The following CREB5 variants were observed in gnomAD, a reference collection of about 807,000 sequenced individuals.
CREB5 encodes the protein cyclic AMP-responsive element-binding protein 5.
CREB5 carries 19 observed loss-of-function variants against 57.1 expected under a neutral mutation model. The ratio of observed to expected loss-of-function variants is 0.33; its 90% CI spans 0.23 to 0.49. The LOEUF is 0.49. Ranked by LOEUF, CREB5 falls within the 20% of genes least tolerant of loss-of-function variation. The pLI is 0.99. For missense variants in CREB5, 579 were observed against 671.6 expected (o/e 0.86, Z 1.52); for synonymous variants, 238 against 238.3 (o/e 1.00, Z 0.01).
At chr7:28,586,911 G>T (rs1796325410) in intron 5 of CREB5, among the ~76,000 whole-genome samples, 1 of 152,130 alleles carries the variant, frequency 6.6e-6, no homozygotes, top group African/African-American at 2.4e-5. Context: ...GGCTCAGAAG[G>T]GCTGCGGACC....
intron 1 of CREB5, among the ~76,000 whole-genome samples, chr7:28,322,315 C>G (rs1167228192): frequency 6.6e-6 from 1 of 152,010 alleles, no homozygotes; most frequent in Non-Finnish European, 1.5e-5. Flanking sequence ...TTACTCTTTT[C>G]CAATTAATCA....
chr7:28,456,606 A>G (rs1790103587), intron 1 of CREB5, among the ~76,000 whole-genome samples: 1 of 152,160 alleles, frequency 6.6e-6, no homozygotes, highest in Non-Finnish European at 1.5e-5. Flanking sequence ...TAGTGCAATA[A>G]TTCTCTCCAG....
intron 1 of CREB5, among the ~76,000 whole-genome samples, chr7:28,391,026 T>TAAA (rs1787206046): frequency 1.3e-5 from 2 of 152,338 alleles, no homozygotes; most frequent in South Asian, 4.1e-4. Flanking sequence ...TCTTTGTTGA[T>TAAA]AATTGTGTTT....
Position 28,635,211 on chromosome 7 carries a change from G to C in CREB5, c.464+64674G>C, listed in dbSNP as rs573585475. On this transcript the variant is annotated intron_variant, in intron 5 of 10. Coordinates refer to ENST00000357727, the MANE Select transcript of CREB5 (RefSeq NM_182898.4). ...CTTGGAATGACTGTCGAGTGAGCCT[G>C]CTGAGGGTAACTACCACAGGGCCAC... Among the ~76,000 whole-genome samples, 14 of 152,290 alleles carry C rather than the reference G, an allele frequency of 9.2e-5. 1 individual carries two copies. The South Asian group carries it at 2.9e-3, about 32-fold the overall frequency.
chr7:28,479,166 G>T (rs561215472), intron 1 of CREB5, among the ~76,000 whole-genome samples: 1 of 152,182 alleles, frequency 6.6e-6, no homozygotes, highest in African/African-American at 2.4e-5. Flanking sequence ...CCTAAACTGG[G>T]TGGCATGGGC....
intron 7 of CREB5, among the ~76,000 whole-genome samples, chr7:28,773,001 T>C (rs933761992): frequency 1.3e-5 from 2 of 152,222 alleles, no homozygotes; most frequent in African/African-American, 4.8e-5. Context: ...TGGGTTATTG[T>C]AAGGATTAAA....
intron 7 of CREB5, among the ~76,000 whole-genome samples, chr7:28,783,374 G>A (rs1206836647): frequency 6.6e-6 from 1 of 151,942 alleles, no homozygotes; most frequent in Non-Finnish European, 1.5e-5. Flanking sequence ...TGTCCACAAT[G>A]TCACTTATTC....
intron 4 of CREB5, among the ~76,000 whole-genome samples, chr7:28,543,944 C>T (rs903167878): frequency 2.0e-5 from 3 of 149,286 alleles, no homozygotes; most frequent in African/African-American, 7.4e-5. Context: ...TTAATCATAT[C>T]TATCTCGTAT....
At chr7:28,311,891 G>A (rs556533852) in intron 1 of CREB5, among the ~76,000 whole-genome samples, 1 of 152,092 alleles carries the variant, frequency 6.6e-6, no homozygotes, top group Non-Finnish European at 1.5e-5. Flanking sequence ...CCCCAGTGTC[G>A]GTCTCCCTGC....
At chr7:28,630,799 G>A (rs1302616513) in intron 5 of CREB5, among the ~76,000 whole-genome samples, 1 of 152,156 alleles carries the variant, frequency 6.6e-6, no homozygotes, top group African/African-American at 2.4e-5. Flanking sequence ...TGCTAAGAGA[G>A]TGACTTTTTG....
At chr7:28,580,592 T>A (rs867271269) in intron 5 of CREB5, among the ~76,000 whole-genome samples, 77 of 143,850 alleles carry the variant, frequency 5.4e-4, no homozygotes, top group Middle Eastern at 7.5e-3. Context: ...TGTGTGTGTG[T>A]GAGAGAGAGA....
intron 1 of CREB5, among the ~76,000 whole-genome samples, chr7:28,388,485 C>G (rs1787154043): frequency 6.6e-6 from 1 of 152,156 alleles, no homozygotes; most frequent in Admixed American, 6.5e-5. Flanking sequence ...TCAGCTAACA[C>G]CTGCTTTCCA....
chr7:28,627,298 G>A (rs1226260900), intron 5 of CREB5, among the ~76,000 whole-genome samples: 1 of 152,192 alleles, frequency 6.6e-6, no homozygotes, highest in Non-Finnish European at 1.5e-5. Context: ...AGGCAACTTG[G>A]GACCTTGATT....
chr7:28,440,951 T>C (rs577318032), intron 1 of CREB5, among the ~76,000 whole-genome samples: 4 of 152,224 alleles, frequency 2.6e-5, no homozygotes, highest in Non-Finnish European at 5.9e-5. Flanking sequence ...ATGACTTTTG[T>C]AAATGTTTTG....
chr7:28,408,149 T>G (rs1668488647), upstream of CREB5, among the ~76,000 whole-genome samples: 1 of 152,204 alleles, frequency 6.6e-6, no homozygotes, highest in Admixed American at 6.5e-5. Context: ...CACCCCTTGC[T>G]CATCAAGTGA....
chr7:28,825,569 G>A lies in CREB5; in HGVS notation c.*6290G>A, dbSNP rs1258711628. The A allele has an allele frequency of 6.6e-6, 1 of 152,600 alleles. No homozygotes were observed. The highest frequency in any genetic ancestry group is 1.5e-5 in the Non-Finnish European group (1 of 68,042). 9.5% of individuals were successfully genotyped at this position (152,600 alleles called of 1,614,324 possible). ...GCTGTCACTTTAAGTTCTGGACTTG[G>A]GGTTCTTTGTATTTGTAAACAGCAA... On this transcript the variant is annotated 3_prime_UTR_variant, in exon 11 of 11. Coordinates refer to ENST00000357727, the MANE Select transcript of CREB5 (RefSeq NM_182898.4).
intron 5 of CREB5, among the ~76,000 whole-genome samples, chr7:28,676,004 A>G (rs977828032): frequency 6.6e-6 from 1 of 152,150 alleles, no homozygotes; most frequent in African/African-American, 2.4e-5. Flanking sequence ...GTCATTCCTA[A>G]CAATCACTAT....
intron 1 of CREB5, among the ~76,000 whole-genome samples, chr7:28,380,258 A>T (rs1320090994): frequency 6.6e-6 from 1 of 152,232 alleles, no homozygotes; most frequent in African/African-American, 2.4e-5. Flanking sequence ...TTTTCCACTC[A>T]GCCAGTGAGC....
intron 1 of CREB5, among the ~76,000 whole-genome samples, chr7:28,415,199 T>G (rs927844072): frequency 1.4e-4 from 21 of 152,150 alleles, no homozygotes; most frequent in African/African-American, 4.6e-4. Flanking sequence ...CTTTTAGGCC[T>G]AGAGATTCTG....
Sources: gnomAD v4.1 joint callset for allele counts (sites outside exome capture counted in the v4.1 genomes callset) on GRCh38, gnomAD v4.1.1 for gene constraint, MANE v1.5 for transcripts, NCBI Gene and HGNC (gene_info 2026-07-23, HGNC 2026-07-21) for gene names.